The following USP46 variants were observed in gnomAD, a reference collection of about 807,000 sequenced individuals.
USP46 encodes ubiquitin specific peptidase 46.
Under a neutral mutation model 44.4 loss-of-function variants are expected in USP46, and 12 were observed. The observed-to-expected ratio is 0.27, with a 90% CI of 0.17 to 0.44. The LOEUF is 0.44. Among genes scored for constraint, USP46 ranks in the 20% least tolerant of loss-of-function variants. The pLI is 1.00. For synonymous variants in USP46, 155 were observed against 161.5 expected (o/e 0.96, Z 0.31); for missense variants, 248 against 444.8 (o/e 0.56, Z 3.98).
chr4:52,607,693 T>C (rs1304344033), intron 5 of USP46, among the ~76,000 whole-genome samples: 1 of 152,208 alleles, frequency 6.6e-6, no homozygotes, highest in Non-Finnish European at 1.5e-5. Flanking sequence ...CTCCTGGTGC[T>C]GTCCTCACCA....
chr4:52,618,891 T>C (rs548217295), intron 4 of USP46, among the ~76,000 whole-genome samples: 1 of 152,316 alleles, frequency 6.6e-6, no homozygotes, highest in South Asian at 2.1e-4. Flanking sequence ...GTAAAATTGG[T>C]ACTTAATAAA....
chr4:52,618,074 T>C (rs1158053539), intron 4 of USP46, among the ~76,000 whole-genome samples: 2 of 152,200 alleles, frequency 1.3e-5, no homozygotes, highest in Admixed American at 1.3e-4. Flanking sequence ...TTTGCTAAAT[T>C]CTTAAGTAAT....
intron 1 of USP46, among the ~76,000 whole-genome samples, chr4:52,635,543 C>T (rs1718080044): frequency 6.6e-6 from 1 of 152,154 alleles, no homozygotes; most frequent in Non-Finnish European, 1.5e-5. Context: ...CACTGGCCTT[C>T]CACTCAACAG....
At chr4:52,621,719 T>C (rs925644263) in intron 4 of USP46, among the ~76,000 whole-genome samples, 2 of 151,948 alleles carry the variant, frequency 1.3e-5, no homozygotes, top group African/African-American at 4.8e-5. Context: ...TAGAAACAAT[T>C]TGGCACTACC....
chr4:52,602,291 C>T (rs929705056), intron 6 of USP46, among the ~76,000 whole-genome samples: 7 of 152,176 alleles, frequency 4.6e-5, no homozygotes, highest in South Asian at 4.1e-4. Flanking sequence ...TGGAAGGAGA[C>T]GTTCCAGAAT....
At chr4:52,626,279 T>C (rs1464141219) in intron 3 of USP46, 32 bp from the exon 4 acceptor site, 3 of 1,572,248 alleles carry the variant, frequency 1.9e-6, no homozygotes, top group Non-Finnish European at 2.6e-6. Context: ...TTTCAGTCTC[T>C]GGTTCTTGAA....
chr4:52,635,487 A>G (rs1013941183), intron 1 of USP46, among the ~76,000 whole-genome samples: 2 of 152,022 alleles, frequency 1.3e-5, no homozygotes, highest in Non-Finnish European at 2.9e-5. Flanking sequence ...CTCATTTCCA[A>G]TGGTCCCCAA....
In USP46 at chr4:52,593,865, C is replaced by G. The variant is rs956786152; in HGVS notation, c.*3775G>C. 6.6e-6 allele frequency: 1 copy of G among 152,192 alleles called. No homozygotes were observed. The allele number at this position is 152,192 out of a possible 1,614,324, so 9.4% of individuals were successfully genotyped here. Reference sequence around the variant, plus strand: ...TCACTGTGATGCCTAGTTAACTATCCCTAAATTCTTTTCACTGATATTCTC... The same window carrying G: ...TCACTGTGATGCCTAGTTAACTATCGCTAAATTCTTTTCACTGATATTCTC... On this transcript the variant is annotated 3_prime_UTR_variant, in exon 9 of 9. Coordinates refer to ENST00000441222, the MANE Select transcript of USP46 (RefSeq NM_022832.4).
At chr4:52,658,192 G>A (rs1719025726) in intron 1 of USP46, 2 of 454,554 alleles carry the variant, frequency 4.4e-6, no homozygotes, top group Non-Finnish European at 8.8e-6. Context: ...GGACAGCAAT[G>A]CCTTACTCCA....
chr4:52,638,207 C>A (rs1718185990), intron 1 of USP46, among the ~76,000 whole-genome samples: 1 of 152,072 alleles, frequency 6.6e-6, no homozygotes, highest in African/African-American at 2.4e-5. Flanking sequence ...GAGAGGGAGG[C>A]AAGAAGGTCA....
intron 4 of USP46, among the ~76,000 whole-genome samples, chr4:52,616,459 G>A (rs770897249): frequency 7.2e-5 from 11 of 152,008 alleles, no homozygotes; most frequent in Non-Finnish European, 1.0e-4. Flanking sequence ...TGCAACCTCC[G>A]CCACCTGAGT....
chr4:52,638,416 A>C (rs1718202568), intron 1 of USP46, among the ~76,000 whole-genome samples: 1 of 152,040 alleles, frequency 6.6e-6, no homozygotes, highest in African/African-American at 2.4e-5. Context: ...CTGGATTTTA[A>C]GGCTTGTGAC....
intron 3 of USP46, among the ~76,000 whole-genome samples, chr4:52,627,354 T>C (rs1198847397): frequency 6.6e-6 from 1 of 152,192 alleles, no homozygotes; most frequent in Non-Finnish European, 1.5e-5. Flanking sequence ...TTTATAGTCA[T>C]AAAAACTGCC....
intron 1 of USP46, chr4:52,658,350 G>C (rs1719033961): frequency 2.2e-6 from 1 of 448,944 alleles, no homozygotes; most frequent in Admixed American, 2.4e-5. Flanking sequence ...GGCTCGGACT[G>C]CATCAGAACC....
At chr4:52,623,062 G>C (rs1717438053) in intron 4 of USP46, among the ~76,000 whole-genome samples, 1 of 152,170 alleles carries the variant, frequency 6.6e-6, no homozygotes, top group South Asian at 2.1e-4. Context: ...TCCAGTAGGA[G>C]TTACTACAGT....
chr4:52,646,620 T>A (rs1342931033), intron 1 of USP46, among the ~76,000 whole-genome samples: 2 of 152,172 alleles, frequency 1.3e-5, no homozygotes, highest in African/African-American at 4.8e-5. Context: ...TTTAATTCCA[T>A]TTTGCTAGTT....
intron 1 of USP46, among the ~76,000 whole-genome samples, chr4:52,658,696 A>G (rs2109381116): frequency 6.6e-6 from 1 of 152,382 alleles, no homozygotes; most frequent in East Asian, 1.9e-4. Flanking sequence ...TGAACTCAAA[A>G]TGAGATGAGG....
intron 1 of USP46, chr4:52,658,378 G>C: frequency 2.4e-6 from 1 of 421,858 alleles, no homozygotes; most frequent in Non-Finnish European, 4.8e-6. Flanking sequence ...GTCCCTGGCT[G>C]TATCCATGCC....
intron 4 of USP46, among the ~76,000 whole-genome samples, chr4:52,615,511 C>T (rs759216106): frequency 3.3e-5 from 5 of 152,018 alleles, no homozygotes; most frequent in Non-Finnish European, 4.4e-5. Context: ...ATAATAGAGC[C>T]TCAAAAACAC....
Sources: gnomAD v4.1 joint callset for allele counts (sites outside exome capture counted in the v4.1 genomes callset) on GRCh38, gnomAD v4.1.1 for gene constraint, MANE v1.5 for transcripts, NCBI Gene and HGNC (gene_info 2026-07-23, HGNC 2026-07-21) for gene names.